The following C2CD5 variants were observed in gnomAD, a reference collection of about 807,000 sequenced individuals.
C2CD5 encodes C2 domain-containing protein 5.
Under a neutral mutation model 130.3 loss-of-function variants are expected in C2CD5, and 109 were observed. The observed-to-expected ratio is 0.84, with a 90% CI of 0.72 to 0.98. The LOEUF (loss-of-function observed/expected upper bound fraction) is 0.98, where lower values mean the gene tolerates loss of function less well. Among genes scored for constraint, C2CD5 ranks in the 50% least tolerant of loss-of-function variants. The pLI, the probability that C2CD5 is intolerant of heterozygous loss-of-function variation, is 0.00. For missense variants in C2CD5, 996 were observed against 1,261.8 expected (o/e 0.79, Z 3.19); for synonymous variants, 454 against 429.2 (o/e 1.06, Z -0.71).
chr12:22,510,114 A>C (rs1292303967), intron 9 of C2CD5, among the ~76,000 whole-genome samples: 2 of 152,156 alleles, frequency 1.3e-5, no homozygotes, highest in Non-Finnish European at 2.9e-5. Flanking sequence ...CTGAGGCAGG[A>C]GAATTGCTTG....
Position 22,517,996 on chromosome 12 carries a change from T to C in C2CD5, c.942A>G (p.Thr314=), listed in dbSNP as rs181532947. Residue 314 remains threonine (T), a synonymous_variant, in exon 8 of 27, where the codon ACA becomes ACG. Coordinates refer to ENST00000446597, the MANE Select transcript of C2CD5 (RefSeq NM_001286176.2). ...GTGGAAGCGCCTTACCAGTTTTGGG[T>C]GTCAAACTCAAATCTGTGTCAGAAG... ...SSSSDTDLSL[T]PKTGMGSGSA... is the part of the protein sequence containing the mutation. The C allele has an allele frequency of 1.2e-6, 2 of 1,612,780 alleles. No individual in the cohort carries two copies. The highest frequency in any genetic ancestry group is 1.7e-6 in the Non-Finnish European group (2 of 1,179,388).
At chr12:22,482,514 A>C in intron 14 of C2CD5, 43 bp downstream of exon 14, 1 of 1,513,366 alleles carries the variant, frequency 6.6e-7, no homozygotes, top group Non-Finnish European at 9.1e-7. Flanking sequence ...ATCTACTATA[A>C]TTAAGGAAAT....
rs1236979509 is a variant in C2CD5 at position 22,482,619 on chromosome 12, T to C, written c.1675A>G (p.Asn559Asp). 6.2e-7 allele frequency: 1 copy of C among 1,613,684 alleles called. No homozygotes were observed. The highest frequency in any genetic ancestry group is 1.3e-5 in the African/African-American group (1 of 74,914). ...TGAATTCTTAGTCCAAACAAAGCAT[T>C]CATTCCTTTGAGTTTTAGTTTATTC... ...LMNKLKLKGM[N>D]ALFGLRIQIT... Residue 559 changes from asparagine to aspartate, a missense_variant, in exon 14 of 27, where the codon AAT (asparagine) becomes GAT (aspartate). Asn to Asp is a conservative substitution (Grantham distance 23). Coordinates refer to ENST00000446597, the MANE Select transcript of C2CD5 (RefSeq NM_001286176.2).
At chr12:22,534,170 A>G (rs1384280883) in intron 3 of C2CD5, among the ~76,000 whole-genome samples, 1 of 152,212 alleles carries the variant, frequency 6.6e-6, no homozygotes, top group Non-Finnish European at 1.5e-5. Flanking sequence ...CCTGGGCAAC[A>G]AAGCAAGACT....
chr12:22,536,982 T>G (rs1951879349), intron 2 of C2CD5, among the ~76,000 whole-genome samples: 1 of 152,216 alleles, frequency 6.6e-6, no homozygotes, highest in African/African-American at 2.4e-5. Context: ...ATTGTTTAAT[T>G]TATCTAAAGC....
chr12:22,492,763 T>C (rs1407550430), intron 11 of C2CD5, among the ~76,000 whole-genome samples: 1 of 152,176 alleles, frequency 6.6e-6, no homozygotes, highest in Non-Finnish European at 1.5e-5. Flanking sequence ...AATGATTTGT[T>C]AGCAAGAAAC....
Position 22,523,564 on chromosome 12 carries a change from C to G in C2CD5, c.662G>C (p.Gly221Ala). The change falls in exon 7 of 27, where the codon GGG (glycine) becomes GCG (alanine). Residue 221 changes from glycine (G) to alanine (A), a missense_variant. By Grantham distance (60) the Gly-to-Ala change is moderately conservative. Around this residue, in one of 9 missense-constraint regions of C2CD5, gnomAD observed 26 missense variants for 56.6 expected, o/e 0.46. Transcript: ENST00000446597. ...CTCCAGATCGAAACACTGTAAGTAC[C>G]CCACAACTGCATTTCCTCTCATTTC... ...VLEMRGNAVV[G>A]YLQCFDLEGE... The G allele has an allele frequency of 6.2e-7, 1 of 1,613,882 alleles. No homozygotes were observed. The highest frequency in any genetic ancestry group is 2.2e-5 in the East Asian group (1 of 44,870).
intron 8 of C2CD5, among the ~76,000 whole-genome samples, chr12:22,515,320 G>A (rs997680401): frequency 3.9e-5 from 6 of 152,118 alleles, no homozygotes; most frequent in South Asian, 2.1e-4. Flanking sequence ...TCTATCCCAC[G>A]TAATGAAAAT....
intron 10 of C2CD5, among the ~76,000 whole-genome samples, chr12:22,505,670 A>G (rs1363902065): frequency 2.0e-5 from 3 of 152,166 alleles, no homozygotes; most frequent in Non-Finnish European, 4.4e-5. Context: ...ACTATTCATC[A>G]TGCTTATTTT....
intron 26 of C2CD5, among the ~76,000 whole-genome samples, chr12:22,452,221 T>C (rs1476505220): frequency 6.6e-6 from 1 of 152,178 alleles, no homozygotes; most frequent in Non-Finnish European, 1.5e-5. Flanking sequence ...CAGTTGAATA[T>C]AATTTCAAGA....
intron 7 of C2CD5, among the ~76,000 whole-genome samples, chr12:22,519,694 T>C (rs1465462935): frequency 2.0e-5 from 3 of 152,156 alleles, no homozygotes; most frequent in Non-Finnish European, 4.4e-5. Flanking sequence ...TAATTAATTA[T>C]ATTTTCTATA....
rs1242918696 is a variant in C2CD5, at chr12:22,530,109, TATACACAC to T, written c.178-2225_178-2218del. On this transcript the variant is annotated intron_variant, in intron 3 of 26. Coordinates refer to ENST00000446597, the MANE Select transcript of C2CD5 (RefSeq NM_001286176.2). ...ATATATATATATATATATATATATA[TATACACAC>T]ACACACACACACACACACACACAGT... 9.1e-3 allele frequency among the ~76,000 whole-genome samples: 965 copies of T among 106,566 alleles called. 17 individuals carry two copies. Among genetic ancestry groups the T allele is most frequent in the African/African-American group, 0.043 (892 of 20,516 alleles). 69.9% of individuals were successfully genotyped at this position (106,566 alleles called of 152,430 possible). A position where few individuals can be genotyped will look rare whatever the true frequency, so the allele number is the denominator to read the frequency against.
chr12:22,520,723 CT>C (rs1234136657), intron 7 of C2CD5, among the ~76,000 whole-genome samples: 2 of 151,890 alleles, frequency 1.3e-5, no homozygotes, highest in African/African-American at 4.8e-5. Context: ...TCTCGTAGTA[CT>C]TTTTTTAAGT....
Position 22,518,011 on chromosome 12 carries a change from T to C in C2CD5, c.927A>G (p.Thr309=), listed in dbSNP as rs777577236. 1.2e-5 allele frequency: 19 copies of C among 1,613,522 alleles called. No homozygotes were observed. The Middle Eastern group carries it at 1.2e-3, about 98-fold the overall frequency. ...SYSRQSSSSD[T]DLSLTPKTGM... ...CAGTTTTGGGTGTCAAACTCAAATC[T>C]GTGTCAGAAGAAGAGGACTGTCGAC... is the stretch of plus-strand genomic sequence containing the variant. The change falls in exon 8 of 27, where the codon ACA becomes ACG. Residue 309 remains threonine, a synonymous_variant. Coordinates refer to ENST00000446597, the MANE Select transcript of C2CD5 (RefSeq NM_001286176.2).
intron 2 of C2CD5, among the ~76,000 whole-genome samples, chr12:22,537,867 A>T (rs1006330053): frequency 6.6e-6 from 1 of 152,240 alleles, no homozygotes; most frequent in Admixed American, 6.5e-5. Context: ...GGTAACACAC[A>T]TTAACATTCA....
At chr12:22,483,197 AATC>A (rs997956350) in intron 13 of C2CD5, among the ~76,000 whole-genome samples, 1 of 152,196 alleles carries the variant, frequency 6.6e-6, no homozygotes, top group Admixed American at 6.5e-5. Flanking sequence ...TATTTTAAAG[AATC>A]ATATTTCAAT....
chr12:22,460,897 A>G (rs1305356708), intron 22 of C2CD5, among the ~76,000 whole-genome samples: 1 of 152,108 alleles, frequency 6.6e-6, no homozygotes, highest in Non-Finnish European at 1.5e-5. Context: ...TCATAAAGCA[A>G]CTGACCACTA....
chr12:22,528,076 C>A (rs1340857611), intron 3 of C2CD5, among the ~76,000 whole-genome samples, 184 bp from the exon 4 acceptor site: 1 of 152,066 alleles, frequency 6.6e-6, no homozygotes, highest in Non-Finnish European at 1.5e-5. Context: ...ACACAATATC[C>A]CATCTTTCTA....
chr12:22,520,752 T>C (rs1436675238), intron 7 of C2CD5, among the ~76,000 whole-genome samples: 1 of 152,078 alleles, frequency 6.6e-6, no homozygotes, highest in Non-Finnish European at 1.5e-5. Context: ...CAATAACTCA[T>C]ACTTAAAAGC....
Sources: allele counts gnomAD v4.1 joint callset (sites outside exome capture counted in the v4.1 genomes callset), GRCh38; gene constraint gnomAD v4.1.1; regional missense constraint gnomAD v4.1.1; transcripts MANE v1.5; gene names NCBI Gene and HGNC (gene_info 2026-07-23, HGNC 2026-07-21).